The following IL1RAPL1 variants were observed in gnomAD, a reference collection of about 807,000 sequenced individuals.
The protein encoded by IL1RAPL1 is interleukin 1 receptor accessory protein like 1, also known as interleukin-1 receptor accessory protein-like 1.
Under a neutral mutation model 48.4 loss-of-function variants are expected in IL1RAPL1, and 3 were observed. The ratio of observed to expected loss-of-function variants is 0.06; its 90% CI spans 0.03 to 0.16. The LOEUF is 0.16. IL1RAPL1 is among the 10% of genes least tolerant of loss of function. The pLI is 1.00. For synonymous variants in IL1RAPL1, 185 were observed against 187.7 expected (o/e 0.99, Z 0.12); for missense variants, 349 against 530.6 (o/e 0.66, Z 3.36).
intron 4 of IL1RAPL1, among the ~76,000 whole-genome samples, chrX:29,396,907 T>G (rs1443454958): frequency 8.9e-6 from 1 of 112,123 alleles, no homozygotes; most frequent in Non-Finnish European, 1.9e-5. Flanking sequence ...ATCTTTTTCA[T>G]GTATAAACAT....
chrX:29,882,250 C>T (rs908365819), intron 6 of IL1RAPL1, among the ~76,000 whole-genome samples: 1 of 111,728 alleles, frequency 9.0e-6, no homozygotes, highest in Non-Finnish European at 1.9e-5. Flanking sequence ...CACTATGACA[C>T]TCACATTACT....
rs1366212433 is a variant in IL1RAPL1, at chrX:29,480,039, A to G, written c.703+80731A>G. Reference sequence around the variant, plus strand: ...TTTTTTCCTTTGGGTAGACACTTTTACCCCTCTCTTGTTTGGCTTCAAGCC... The same window carrying G: ...TTTTTTCCTTTGGGTAGACACTTTTGCCCCTCTCTTGTTTGGCTTCAAGCC... On this transcript the variant is annotated intron_variant, in intron 5 of 10. Coordinates refer to ENST00000378993, the MANE Select transcript of IL1RAPL1 (RefSeq NM_014271.4). Among the ~76,000 whole-genome samples the G allele has an allele frequency of 2.2e-4, 23 of 106,397 alleles. 1 individual carries two copies. Among genetic ancestry groups the G allele is most frequent in the African/African-American group, 5.9e-4 (17 of 28,988 alleles). The allele number at this position is 106,397 out of a possible 115,157, so 92.4% of individuals were successfully genotyped here.
At chrX:29,334,329 A>AC (rs1489485840) in intron 3 of IL1RAPL1, among the ~76,000 whole-genome samples, 353 of 45,880 alleles carry the variant, frequency 7.7e-3, no homozygotes, top group African/African-American at 0.01. Context: ...CGGGGGGCTG[A>AC]CCCCCCCACC....
chrX:29,124,852 A>G (rs1009718472), intron 2 of IL1RAPL1, among the ~76,000 whole-genome samples: 5 of 112,353 alleles, frequency 4.5e-5, no homozygotes, highest in African/African-American at 1.6e-4. Context: ...TTAGGCTAAT[A>G]GGATAAATTG....
chrX:28,737,202 TTTC>T (rs1310199433), intron 1 of IL1RAPL1, among the ~76,000 whole-genome samples: 1 of 80,200 alleles, frequency 1.2e-5, no homozygotes, highest in African/African-American at 5.0e-5. Context: ...TCTTTCTTTC[TTTC>T]TCTTTCTTTC....
chrX:29,026,077 A>G (rs2147405398), intron 2 of IL1RAPL1, among the ~76,000 whole-genome samples: 1 of 112,146 alleles, frequency 8.9e-6, no homozygotes, highest in South Asian at 3.6e-4. Flanking sequence ...GCCTTTACTA[A>G]GGGAAAGAAA....
chrX:29,393,203 G>C (rs1421212794), intron 3 of IL1RAPL1, among the ~76,000 whole-genome samples: 20 of 111,652 alleles, frequency 1.8e-4, no homozygotes, highest in African/African-American at 4.9e-4. Context: ...CTCACTGCAA[G>C]CTCCGCCTCC....
Position 29,810,088 on chromosome X carries a change from CTT to C in IL1RAPL1, c.779-107375_779-107374del, listed in dbSNP as rs761410329. On this transcript the variant is annotated intron_variant, in intron 6 of 10. Coordinates refer to ENST00000378993, the MANE Select transcript of IL1RAPL1 (RefSeq NM_014271.4). ...CTTGAAGGTACTCTGTCTTTTCTCT[CTT>C]ATTTTAAAAGTTTTCTCTTTGTGTT... Among the ~76,000 whole-genome samples the C allele has an allele frequency of 2.7e-4, 30 of 111,498 alleles. 1 individual carries two copies. In the East Asian group the frequency reaches 7.3e-3, roughly 27 times the overall value.
intron 2 of IL1RAPL1, among the ~76,000 whole-genome samples, chrX:29,192,040 A>G (rs1028648369): frequency 1.3e-4 from 15 of 111,832 alleles, no homozygotes; most frequent in Non-Finnish European, 2.1e-4. Flanking sequence ...CTACTCAGCT[A>G]TGTATCAGGC....
At chrX:29,243,915 TGAAA>T (rs998468054) in intron 2 of IL1RAPL1, among the ~76,000 whole-genome samples, 4 of 111,565 alleles carry the variant, frequency 3.6e-5, no homozygotes, top group African/African-American at 1.3e-4. Context: ...TCTTGAATTG[TGAAA>T]GAGTTTCCCT....
At chrX:29,342,112 TTGTG>T (rs753779178) in intron 3 of IL1RAPL1, among the ~76,000 whole-genome samples, 2,598 of 87,557 alleles carry the variant, frequency 0.03, 46 homozygotes, top group South Asian at 0.066. Context: ...CGGCCTTGTT[TTGTG>T]TGTGTGTGTG....
chrX:28,971,040 A>G (rs1056148093), intron 2 of IL1RAPL1, among the ~76,000 whole-genome samples: 5 of 111,491 alleles, frequency 4.5e-5, no homozygotes, highest in African/African-American at 1.6e-4. Flanking sequence ...AGAGAAGTAT[A>G]GAATTTTCAG....
chrX:29,858,964 G>A (rs1266956576), intron 6 of IL1RAPL1, among the ~76,000 whole-genome samples: 1 of 111,006 alleles, frequency 9.0e-6, no homozygotes, highest in Non-Finnish European at 1.9e-5. Flanking sequence ...ATTGGGCACT[G>A]TGAGTCACTC....
At position 29,316,967 on chromosome X, in the gene IL1RAPL1, G is replaced by A. The variant is rs777078184; in HGVS notation, c.362+33750G>A. ...CAAAAGGGAGGGGGTATAAAAAAGC[G>A]TGTCTGACCTCCTTTCTTGTCATTG... On this transcript the variant is annotated intron_variant, in intron 3 of 10. Transcript: ENST00000378993. Among the ~76,000 whole-genome samples, 6 of 111,177 alleles carry A rather than the reference G, an allele frequency of 5.4e-5. 1 individual carries two copies. The South Asian group carries it at 1.9e-3, about 36-fold the overall frequency.
chrX:28,728,674 A>G (rs1255820094), intron 1 of IL1RAPL1, among the ~76,000 whole-genome samples: 1 of 111,788 alleles, frequency 8.9e-6, no homozygotes, highest in Non-Finnish European at 1.9e-5. Flanking sequence ...TAAACACAGC[A>G]TCTTTACTAA....
intron 3 of IL1RAPL1, among the ~76,000 whole-genome samples, chrX:29,391,891 G>A (rs1435778780): frequency 8.9e-6 from 1 of 111,842 alleles, no homozygotes; most frequent in Non-Finnish European, 1.9e-5. Flanking sequence ...AATAGAATTC[G>A]AAAAACTCAT....
chrX:29,102,685 A>G (rs1928367371), intron 2 of IL1RAPL1, among the ~76,000 whole-genome samples: 1 of 110,968 alleles, frequency 9.0e-6, no homozygotes, highest in Admixed American at 9.6e-5. Context: ...AAAAAAAGTA[A>G]AATTATCCTT....
intron 6 of IL1RAPL1, among the ~76,000 whole-genome samples, chrX:29,859,689 A>G (rs1439128883): frequency 8.9e-6 from 1 of 112,330 alleles, no homozygotes; most frequent in African/African-American, 3.2e-5. Flanking sequence ...TTTATGAACA[A>G]TATTTCTAGA....
intron 1 of IL1RAPL1, among the ~76,000 whole-genome samples, chrX:28,698,076 A>G (rs1016104335): frequency 1.8e-5 from 2 of 111,712 alleles, no homozygotes; most frequent in African/African-American, 6.5e-5. Context: ...GCAAAAGCTC[A>G]TAGCTGAGAG....
Sources: gnomAD v4.1 joint callset for allele counts (sites outside exome capture counted in the v4.1 genomes callset) on GRCh38, gnomAD v4.1.1 for gene constraint, MANE v1.5 for transcripts, NCBI Gene and HGNC (gene_info 2026-07-23, HGNC 2026-07-21) for gene names.